Variants in TEX14 observed in about 807,000 individuals in gnomAD.
TEX14 encodes testis expressed 14, intercellular bridge forming factor.
Under a neutral mutation model 178.6 loss-of-function variants are expected in TEX14, and 168 were observed. The ratio of observed to expected loss-of-function variants is 0.94; its 90% CI spans 0.83 to 1.07. The LOEUF is 1.07. Among genes scored for constraint, TEX14 ranks in the 50% least tolerant of loss-of-function variants. The pLI is 0.00. For missense variants in TEX14, 1,730 were observed against 1,753.6 expected (o/e 0.99, Z 0.24); for synonymous variants, 626 against 634.1 (o/e 0.99, Z 0.19).
intron 6 of TEX14, among the ~76,000 whole-genome samples, chr17:58,617,002 G>A (rs1338265817): frequency 6.6e-6 from 1 of 152,210 alleles, no homozygotes; most frequent in Non-Finnish European, 1.5e-5. Flanking sequence ...TGTAATCCCA[G>A]CACTTTGAGA....
intron 17 of TEX14, 37 bp downstream of exon 17, chr17:58,587,544 T>C (rs764273335): frequency 2.4e-6 from 3 of 1,265,246 alleles, no homozygotes; most frequent in Non-Finnish European, 3.4e-6. Flanking sequence ...ACTTTAAATT[T>C]CATTTTGTCT....
intron 3 of TEX14, among the ~76,000 whole-genome samples, chr17:58,627,565 G>C (rs945575070): frequency 5.3e-5 from 8 of 152,058 alleles, no homozygotes; most frequent in Admixed American, 6.6e-5. Context: ...GAGGTCAGGA[G>C]TTTGAGATCA....
intron 2 of TEX14, among the ~76,000 whole-genome samples, chr17:58,637,870 T>G (rs1365748122): frequency 6.6e-6 from 1 of 151,454 alleles, no homozygotes; most frequent in Non-Finnish European, 1.5e-5. Context: ...TTTTTTTTTT[T>G]TTTCCTTTTG....
At chr17:58,607,578 T>C (rs2045639895) in intron 10 of TEX14, among the ~76,000 whole-genome samples, 1 of 152,182 alleles carries the variant, frequency 6.6e-6, no homozygotes, top group South Asian at 2.1e-4. Context: ...GGTGCCTCAG[T>C]TTCCTCAACT....
chr17:58,619,086 A>C (rs73993688), intron 5 of TEX14, among the ~76,000 whole-genome samples: 14 of 152,268 alleles, frequency 9.2e-5, no homozygotes, highest in African/African-American at 3.4e-4. Flanking sequence ...AGGGGAACAG[A>C]CCTTGTGCTG....
intron 1 of TEX14, among the ~76,000 whole-genome samples, chr17:58,683,092 G>C (rs1398181463): frequency 6.6e-6 from 1 of 150,836 alleles, no homozygotes; most frequent in Non-Finnish European, 1.5e-5. Context: ...ATGAGGAAAG[G>C]CTGAGCACGG....
intron 13 of TEX14, among the ~76,000 whole-genome samples, chr17:58,601,392 C>A (rs1234962322): frequency 6.6e-6 from 1 of 151,920 alleles, no homozygotes; most frequent in Non-Finnish European, 1.5e-5. Flanking sequence ...CATGGTTGTG[C>A]GTGCCTGTAA....
intron 3 of TEX14, among the ~76,000 whole-genome samples, chr17:58,628,090 CGGTA>C (rs1172634508): frequency 6.6e-6 from 1 of 151,826 alleles, no homozygotes; most frequent in Non-Finnish European, 1.5e-5. Context: ...TTAAACAATA[CGGTA>C]GAGCCAGTAG....
Position 58,644,048 on chromosome 17 carries a change from G to C in TEX14, c.136+7818C>G, listed in dbSNP as rs116954087. Among the ~76,000 whole-genome samples, 696 of 151,086 alleles carry C rather than the reference G, an allele frequency of 4.6e-3. 22 individuals are homozygous for C. The South Asian group carries it at 0.068, about 15-fold the overall frequency. On this transcript the variant is annotated intron_variant, in intron 2 of 31. Transcript: ENST00000349033. ...CATGACGGAGGTAGGTTACCAAAAA[G>C]ACCAAGCTATGATAGAGGTTTGGGC...
intron 12 of TEX14, 45 bp from the exon 13 acceptor site, chr17:58,602,001 T>A (rs761915874): frequency 4.8e-5 from 76 of 1,595,470 alleles, no homozygotes; most frequent in African/African-American, 1.3e-5. Flanking sequence ...TCAGTCATCC[T>A]GAATGTCACT....
chr17:58,583,465 A>G (rs1057213781), intron 19 of TEX14, among the ~76,000 whole-genome samples: 1 of 151,954 alleles, frequency 6.6e-6, no homozygotes, highest in African/African-American at 2.4e-5. Context: ...GGGTCATACT[A>G]TGGTGCCCAG....
intron 1 of TEX14, among the ~76,000 whole-genome samples, chr17:58,674,914 G>T (rs554440816): frequency 2.0e-5 from 3 of 151,536 alleles, no homozygotes; most frequent in Non-Finnish European, 4.4e-5. Flanking sequence ...GGAGGCTGAG[G>T]GGGGGTGCAT....
At chr17:58,684,906 A>G (rs1010315735) in intron 1 of TEX14, among the ~76,000 whole-genome samples, 1 of 152,044 alleles carries the variant, frequency 6.6e-6, no homozygotes, top group Non-Finnish European at 1.5e-5. Context: ...AACCCTCAAG[A>G]CAGAGGTTGC....
chr17:58,655,275 C>T (rs139176500), intron 1 of TEX14, among the ~76,000 whole-genome samples: 7,154 of 152,130 alleles, frequency 0.047, 263 homozygotes, highest in Middle Eastern at 0.072. Flanking sequence ...CCTCCGCCTC[C>T]CGGGTTCAAG....
intron 3 of TEX14, among the ~76,000 whole-genome samples, chr17:58,628,280 A>G (rs1034176841): frequency 1.3e-5 from 2 of 152,062 alleles, no homozygotes; most frequent in Non-Finnish European, 2.9e-5. Context: ...CAACACACAT[A>G]CATAAAATAC....
intron 1 of TEX14, among the ~76,000 whole-genome samples, chr17:58,658,799 A>AT (rs113265678): frequency 9.1e-4 from 135 of 147,818 alleles, no homozygotes; most frequent in Middle Eastern, 3.5e-3. Flanking sequence ...AGACCCAGGA[A>AT]TTTTTTTTTT....
chr17:58,574,875 T>C (rs551334766), intron 21 of TEX14, among the ~76,000 whole-genome samples: 27 of 151,986 alleles, frequency 1.8e-4, no homozygotes, highest in African/African-American at 6.0e-4. Context: ...CACAGGAACT[T>C]TGCTGGGAGG....
chr17:58,637,454 C>T (rs2046460822), intron 2 of TEX14, among the ~76,000 whole-genome samples: 1 of 152,264 alleles, frequency 6.6e-6, no homozygotes, highest in Admixed American at 6.5e-5. Context: ...TAGCCCTGCT[C>T]CCCAACCTCC....
intron 17 of TEX14, among the ~76,000 whole-genome samples, chr17:58,586,880 G>A (rs1019761510): frequency 2.0e-5 from 3 of 152,124 alleles, no homozygotes; most frequent in Non-Finnish European, 4.4e-5. Flanking sequence ...GAACTAGTGT[G>A]TTGAAGTTGC....
Sources: gnomAD v4.1 joint callset for allele counts (sites outside exome capture counted in the v4.1 genomes callset) on GRCh38, gnomAD v4.1.1 for gene constraint, MANE v1.5 for transcripts, NCBI Gene and HGNC (gene_info 2026-07-23, HGNC 2026-07-21) for gene names.